Variants in NRG1 observed in about 807,000 individuals in gnomAD.
NRG1 encodes the protein pro-neuregulin-1, membrane-bound isoform.
A neutral mutation model predicts 63.8 loss-of-function variants in NRG1; 18 were observed. The observed-to-expected ratio is 0.28, with a 90% CI of 0.19 to 0.42. NRG1 has a LOEUF of 0.42. NRG1 is among the 10% of genes least tolerant of loss of function. The pLI is 1.00. For synonymous variants in NRG1, 302 were observed against 301.3 expected, an observed-to-expected ratio of 1.00 and a Z score of -0.02; for missense variants, 762 against 814.7, an observed-to-expected ratio of 0.94 and a Z score of 0.79.
intron 1 of NRG1, among the ~76,000 whole-genome samples, chr8:32,232,380 T>C (rs1240310709): frequency 6.6e-6 from 1 of 152,306 alleles, no homozygotes; most frequent in East Asian, 1.9e-4. Flanking sequence ...CTACAGCTTA[T>C]AGATACTGAG....
intron 1 of NRG1, among the ~76,000 whole-genome samples, chr8:32,278,678 C>T (rs1852370440): frequency 6.6e-6 from 1 of 151,932 alleles, no homozygotes; most frequent in Admixed American, 6.6e-5. Flanking sequence ...CTCAGATTCC[C>T]TCTTACCTTC....
Position 32,032,815 on chromosome 8 carries a change from C to T in NRG1, c.37+393384C>T, listed in dbSNP as rs550248730. 7.2e-5 allele frequency among the ~76,000 whole-genome samples: 11 copies of T among 152,260 alleles called. No homozygotes were observed. In the South Asian group the frequency reaches 1.5e-3, roughly 20 times the overall value. ...TTTTAAATTTCTGCTTTTGTTGCAA[C>T]TGCTGTTGGCAATTTTGTCATGAAA... On this transcript the variant is annotated intron_variant, in intron 1 of 10. Transcript: ENST00000519301.
intron 5 of NRG1, among the ~76,000 whole-genome samples, chr8:32,687,556 G>A (rs1810485783): frequency 6.6e-6 from 1 of 152,298 alleles, no homozygotes; most frequent in Middle Eastern, 3.4e-3. Context: ...CAGAAGCTCA[G>A]AACCATTAGC....
chr8:32,551,854 A>G (rs1379790921), intron 1 of NRG1, among the ~76,000 whole-genome samples: 1 of 151,050 alleles, frequency 6.6e-6, no homozygotes. Context: ...CAGCCTCTTC[A>G]TACTGATTCA....
intron 1 of NRG1, among the ~76,000 whole-genome samples, chr8:32,465,338 A>G (rs1237724788): frequency 6.6e-6 from 1 of 152,168 alleles, no homozygotes; most frequent in Admixed American, 6.5e-5. Context: ...CATATCATAA[A>G]CGTATATTGC....
At chr8:32,303,183 C>CAAAAAAA (rs1563291349) in intron 1 of NRG1, among the ~76,000 whole-genome samples, 14 of 59,690 alleles carry the variant, frequency 2.3e-4, no homozygotes, top group Non-Finnish European at 2.6e-4. Context: ...AACTCAGTCT[C>CAAAAAAA]CAAAAAAAAA....
At chr8:32,610,508 G>C (rs1188624197) in intron 3 of NRG1, among the ~76,000 whole-genome samples, 1 of 152,140 alleles carries the variant, frequency 6.6e-6, no homozygotes, top group Non-Finnish European at 1.5e-5. Flanking sequence ...GATCTATCTG[G>C]ATTAGTGACT....
At chr8:31,936,141 T>C (rs1030602190) in intron 1 of NRG1, among the ~76,000 whole-genome samples, 1 of 152,238 alleles carries the variant, frequency 6.6e-6, no homozygotes, top group African/African-American at 2.4e-5. Context: ...AGTGTTATGC[T>C]AAAATATCTT....
chr8:31,880,103 C>T (rs1830234880), intron 1 of NRG1, among the ~76,000 whole-genome samples: 1 of 152,128 alleles, frequency 6.6e-6, no homozygotes, highest in Admixed American at 6.6e-5. Flanking sequence ...ATTAGTTCAA[C>T]CATTGTGGGA....
chr8:32,685,828 A>C (rs1809965167), intron 5 of NRG1, among the ~76,000 whole-genome samples: 1 of 152,218 alleles, frequency 6.6e-6, no homozygotes, highest in African/African-American at 2.4e-5. Flanking sequence ...ATCCAGTTCC[A>C]CTAGGGAATG....
intron 1 of NRG1, among the ~76,000 whole-genome samples, chr8:31,672,025 G>T (rs4504592): frequency 0.14 from 21,736 of 152,084 alleles, 1,984 homozygotes; most frequent in Non-Finnish European, 0.19. Context: ...ACTATTATAA[G>T]AGGTCTTACT....
At chr8:31,694,668 G>C (rs916547998) in intron 1 of NRG1, among the ~76,000 whole-genome samples, 3 of 152,158 alleles carry the variant, frequency 2.0e-5, no homozygotes, top group African/African-American at 4.8e-5. Flanking sequence ...TAATGACCTA[G>C]AGCCAATGGG....
At chr8:31,925,108 G>A (rs896302939) in intron 1 of NRG1, among the ~76,000 whole-genome samples, 6 of 9,984 alleles carry the variant, frequency 6.0e-4, no homozygotes, top group African/African-American at 4.5e-3. Flanking sequence ...GCAAATTAAG[G>A]CATTTATATA....
intron 1 of NRG1, among the ~76,000 whole-genome samples, chr8:32,520,752 A>T (rs1830263510): frequency 6.6e-6 from 1 of 152,224 alleles, no homozygotes; most frequent in Non-Finnish European, 1.5e-5. Flanking sequence ...AATATTAGAT[A>T]AAAAATCCCA....
intron 1 of NRG1, among the ~76,000 whole-genome samples, chr8:32,013,380 G>A (rs529237276): frequency 3.9e-5 from 6 of 152,262 alleles, no homozygotes; most frequent in Admixed American, 3.9e-4. Flanking sequence ...TGATCCCAGT[G>A]ATGTCATGTA....
At chr8:31,674,457 G>C (rs149710444) in intron 1 of NRG1, among the ~76,000 whole-genome samples, 1 of 152,114 alleles carries the variant, frequency 6.6e-6, no homozygotes, top group East Asian at 1.9e-4. Context: ...CTTTCACCTA[G>C]TCAGTGAGTT....
intron 1 of NRG1, among the ~76,000 whole-genome samples, chr8:32,426,487 G>A (rs1303049972): frequency 6.6e-6 from 1 of 152,126 alleles, no homozygotes; most frequent in Non-Finnish European, 1.5e-5. Flanking sequence ...CAGAATATAG[G>A]ACTTGCCTAC....
chr8:32,035,541 G>C (rs1388595924), intron 1 of NRG1, among the ~76,000 whole-genome samples: 1 of 152,174 alleles, frequency 6.6e-6, no homozygotes, highest in Non-Finnish European at 1.5e-5. Flanking sequence ...ACAGTGGGGT[G>C]TTAAAGTATC....
intron 1 of NRG1, among the ~76,000 whole-genome samples, chr8:31,744,714 C>T (rs1815674443): frequency 6.6e-6 from 1 of 151,974 alleles, no homozygotes; most frequent in African/African-American, 2.4e-5. Flanking sequence ...TTAACTGAAA[C>T]ACACACAGGA....
Sources: gnomAD v4.1 joint callset for allele counts (sites outside exome capture counted in the v4.1 genomes callset) on GRCh38, gnomAD v4.1.1 for gene constraint, MANE v1.5 for transcripts, NCBI Gene and HGNC (gene_info 2026-07-23, HGNC 2026-07-21) for gene names.